The following KAZN variants were observed in gnomAD, a reference collection of about 807,000 sequenced individuals.
KAZN encodes the protein kazrin.
In KAZN, 40 loss-of-function variants were observed where a neutral mutation model predicts 87.4. The observed-to-expected ratio is 0.46, with a 90% CI of 0.36 to 0.60. KAZN has a LOEUF of 0.60. KAZN is among the 20% of genes least tolerant of loss of function. The pLI is 0.00. For synonymous variants in KAZN, 466 were observed against 458.3 expected (o/e 1.02, Z -0.22); for missense variants, 898 against 1,073.9 (o/e 0.84, Z 2.29).
chr1:14,623,299 C>G (rs1678858381), intron 1 of KAZN, among the ~76,000 whole-genome samples: 1 of 152,208 alleles, frequency 6.6e-6, no homozygotes, highest in Non-Finnish European at 1.5e-5. Flanking sequence ...TAAAAAAGAA[C>G]AAGATCATAT....
At chr1:14,890,840 CTT>C (rs34718502) in intron 1 of KAZN, among the ~76,000 whole-genome samples, 3 of 69,672 alleles carry the variant, frequency 4.3e-5, no homozygotes, top group Admixed American at 4.5e-4. Flanking sequence ...GGAATCTGGA[CTT>C]TTTTTTTTTT....
chr1:14,826,505 C>T (rs1054081127), intron 1 of KAZN, among the ~76,000 whole-genome samples: 2 of 152,178 alleles, frequency 1.3e-5, no homozygotes, highest in South Asian at 2.1e-4. Flanking sequence ...TTCTACAGAG[C>T]GGCCTTGCTG....
chr1:15,077,556 C>T lies in KAZN; in HGVS notation c.1222+11803C>T, dbSNP rs1186661652. On this transcript the variant is annotated intron_variant, in intron 8 of 14. Coordinates refer to ENST00000376030, the MANE Select transcript of KAZN (RefSeq NM_201628.3). This position sits in a 1 kb window ranked among gnomAD's most constrained non-coding sequence, Gnocchi z 4.8. ...TGCAGGAATCCTGAGCTCCACCGCT[C>T]CTCCGCAAGGGCTACACAGGACCAG... Among the ~76,000 whole-genome samples, 1 of 152,206 alleles carries T rather than the reference C, an allele frequency of 6.6e-6. No homozygotes were observed. The highest frequency in any genetic ancestry group is 2.4e-5 in the African/African-American group (1 of 41,446).
At chr1:14,409,574 C>A (rs540306926) in intron 2 of KAZN, among the ~76,000 whole-genome samples, 1 of 152,258 alleles carries the variant, frequency 6.6e-6, no homozygotes, top group African/African-American at 2.4e-5. Flanking sequence ...AACACTGTTA[C>A]CAAACAGTGA....
At chr1:14,633,292 A>C (rs1306800646) in intron 1 of KAZN, among the ~76,000 whole-genome samples, 2 of 152,212 alleles carry the variant, frequency 1.3e-5, no homozygotes, top group Non-Finnish European at 1.5e-5. Context: ...TTTGTATGGC[A>C]GATGGGATTG....
At chr1:14,310,598 A>G (rs1006397657) in intron 2 of KAZN, among the ~76,000 whole-genome samples, 1 of 152,176 alleles carries the variant, frequency 6.6e-6, no homozygotes, top group Admixed American at 6.5e-5. Flanking sequence ...ACTATTGGCA[A>G]TTTCACACAT....
At chr1:14,909,530 C>T (rs934769543) in intron 1 of KAZN, among the ~76,000 whole-genome samples, 1 of 152,212 alleles carries the variant, frequency 6.6e-6, no homozygotes, top group African/African-American at 2.4e-5. Flanking sequence ...GTTTCCTCTG[C>T]CCACAGTGCC....
At chr1:14,392,307 T>A (rs898128215) in intron 2 of KAZN, among the ~76,000 whole-genome samples, 1 of 152,172 alleles carries the variant, frequency 6.6e-6, no homozygotes, top group South Asian at 2.1e-4. Flanking sequence ...ACAGCATATC[T>A]AGTAATGACT....
At chr1:15,091,784 C>A (rs1482471907) in intron 8 of KAZN, among the ~76,000 whole-genome samples, 2 of 152,174 alleles carry the variant, frequency 1.3e-5, no homozygotes, top group African/African-American at 4.8e-5. Context: ...ATATTGCTTC[C>A]TAGTATTTAA....
chr1:14,828,428 T>C (rs2100863321), intron 1 of KAZN, among the ~76,000 whole-genome samples: 1 of 152,296 alleles, frequency 6.6e-6, no homozygotes, highest in East Asian at 1.9e-4. Context: ...ATCGATCAAT[T>C]GGATGAAATA....
chr1:14,342,430 A>C (rs1226278081), intron 2 of KAZN, among the ~76,000 whole-genome samples: 1 of 152,184 alleles, frequency 6.6e-6, no homozygotes, highest in East Asian at 1.9e-4. Flanking sequence ...GACAATCTGT[A>C]TTGTACTAAT....
At chr1:14,060,119 T>G (rs185402488) in intron 1 of KAZN, among the ~76,000 whole-genome samples, 1,668 of 152,202 alleles carry the variant, frequency 0.011, 31 homozygotes, top group African/African-American at 0.037. Context: ...AATCCAGCAC[T>G]TTGGGAGGCC....
At chr1:14,193,420 C>G (rs1053774869) in intron 2 of KAZN, among the ~76,000 whole-genome samples, 1 of 152,114 alleles carries the variant, frequency 6.6e-6, no homozygotes, top group Non-Finnish European at 1.5e-5. Flanking sequence ...CGTCTGTAAG[C>G]CAAGACATGC....
intron 1 of KAZN, among the ~76,000 whole-genome samples, chr1:14,802,193 G>A (rs1646055088): frequency 6.6e-6 from 1 of 152,002 alleles, no homozygotes; most frequent in Non-Finnish European, 1.5e-5. Context: ...ATCACTTGAG[G>A]CCAGGAGTTT....
rs570445008 is a variant in KAZN at position 14,210,128 on chromosome 1, A to G, written c.249+29536A>G. 3.3e-5 allele frequency among the ~76,000 whole-genome samples: 5 copies of G among 152,324 alleles called. No individual in the cohort carries two copies. The East Asian group carries it at 9.6e-4, about 29-fold the overall frequency. On this transcript the variant is annotated intron_variant, in intron 2 of 16. Transcript: ENST00000636203. Reference sequence around the variant, plus strand: ...AATCTCATCTTGAATTGTAGCTCCTATAATCCCCACATATCATGAGAGGGA... The same window carrying G: ...AATCTCATCTTGAATTGTAGCTCCTGTAATCCCCACATATCATGAGAGGGA...
At chr1:14,818,204 G>A (rs565195038) in intron 1 of KAZN, among the ~76,000 whole-genome samples, 1 of 152,216 alleles carries the variant, frequency 6.6e-6, no homozygotes. Context: ...TGGGTACTTT[G>A]TTGCCCCTTC....
intron 2 of KAZN, among the ~76,000 whole-genome samples, chr1:14,337,893 CAAA>C (rs34909839): frequency 2.2e-3 from 220 of 100,528 alleles, no homozygotes; most frequent in African/African-American, 6.0e-3. Context: ...GACTCTGTCT[CAAA>C]AAAAAAAAAA....
At chr1:15,059,132 T>C (rs1428208693) in intron 5 of KAZN, among the ~76,000 whole-genome samples, 1 of 151,090 alleles carries the variant, frequency 6.6e-6, no homozygotes. Flanking sequence ...AGATGGAGTC[T>C]TGCTGTGTTG....
chr1:14,082,456 T>C (rs1216009858), intron 1 of KAZN, among the ~76,000 whole-genome samples: 1 of 151,952 alleles, frequency 6.6e-6, no homozygotes, highest in Non-Finnish European at 1.5e-5. Flanking sequence ...AGGCCTGTAG[T>C]AGATTTCTGA....
Sources: allele counts gnomAD v4.1 joint callset (sites outside exome capture counted in the v4.1 genomes callset), GRCh38; gene constraint gnomAD v4.1.1; non-coding constraint Gnocchi (gnomAD v3.1); transcripts MANE v1.5; gene names NCBI Gene and HGNC (gene_info 2026-07-23, HGNC 2026-07-21).